DCP1A: variants seen among roughly 807,000 people sequenced by gnomAD.
DCP1A encodes mRNA-decapping enzyme 1A.
A neutral mutation model predicts 58.0 loss-of-function variants in DCP1A; 20 were observed. The ratio of observed to expected loss-of-function variants is 0.34; its 90% confidence interval spans 0.24 to 0.50. The LOEUF (loss-of-function observed/expected upper bound fraction) is 0.50. Among genes scored for constraint, DCP1A ranks in the 20% least tolerant of loss-of-function variants. The pLI is 0.98. For missense variants in DCP1A, 613 were observed against 712.2 expected (o/e 0.86, Z 1.59); for synonymous variants, 285 against 275.1 (o/e 1.04, Z -0.36).
At chr3:53,335,926 G>A (rs575313046) in intron 3 of DCP1A, among the ~76,000 whole-genome samples, 141 of 146,848 alleles carry the variant, frequency 9.6e-4, no homozygotes, top group Non-Finnish European at 1.7e-3. Context: ...GCGGGCTCAG[G>A]TGATTCTCTC....
rs189655368 is a variant in DCP1A at position 53,287,193 on chromosome 3, G to C, written c.*387C>G. ...TGGGGTAGGCTGGGGGAAGCGGTGG[G>C]GGCCGGGCTGAACTTCTGCTGTGAG... is the stretch of plus-strand genomic sequence containing the variant. On this transcript the variant is annotated 3_prime_UTR_variant, in exon 10 of 10. Transcript: ENST00000610213. 343 of 170,442 alleles carry C rather than the reference G, an allele frequency of 2.0e-3. 1 individual carries two copies. The highest frequency in any genetic ancestry group is 7.7e-3 in the African/African-American group (324 of 41,898). The allele number at this position is 170,442 out of a possible 1,614,324, so 10.6% of individuals were successfully genotyped here. A position where few individuals can be genotyped will look rare whatever the true frequency, so the allele number is the denominator to read the frequency against.
Position 53,290,825 on chromosome 3 carries a change from A to G in DCP1A, c.1415T>C (p.Phe472Ser), listed in dbSNP as rs371725164. ...ACTGGATAACACCTTAGGCTGCACAAATACTTCAGGATCCTGGTTCTGCTG... is the reference window on the plus strand; with the variant it reads ...ACTGGATAACACCTTAGGCTGCACAGATACTTCAGGATCCTGGTTCTGCTG... ...SMQQNQDPEV[F>S]VQPKVLSSAI... Residue 472 changes from phenylalanine (F) to serine (S), a missense_variant, in exon 8 of 10, where the codon TTT becomes TCT. Transcript: ENST00000610213. 6.2e-7 allele frequency: 1 copy of G among 1,611,924 alleles called. No homozygotes were observed. Among genetic ancestry groups the G allele is most frequent in the African/African-American group, 1.3e-5 (1 of 74,636 alleles).
intron 7 of DCP1A, among the ~76,000 whole-genome samples, chr3:53,291,472 C>G (rs940145890): frequency 2.0e-5 from 3 of 151,972 alleles, no homozygotes; most frequent in East Asian, 1.9e-4. Context: ...CACCTCCCCC[C>G]ACCTTCCCAC....
At position 53,283,868 on chromosome 3, in the gene DCP1A, G is replaced by A. The variant is rs1017018723; in HGVS notation, c.*3712C>T. ...TGAAGGTGTCAAATACAAAACGGAGGGAATCACTGCACACATCTGTTGAAT... is the reference window on the plus strand; with the variant it reads ...TGAAGGTGTCAAATACAAAACGGAGAGAATCACTGCACACATCTGTTGAAT... On this transcript the variant is annotated 3_prime_UTR_variant, in exon 10 of 10. Transcript: ENST00000610213. The A allele has an allele frequency of 6.6e-6, 1 of 152,238 alleles. No individual in the cohort carries two copies. Among genetic ancestry groups the A allele is most frequent in the Middle Eastern group, 3.4e-3 (1 of 294 alleles). The allele number at this position is 152,238 out of a possible 1,614,324, so 9.4% of individuals were successfully genotyped here.
intron 6 of DCP1A, among the ~76,000 whole-genome samples, chr3:53,298,809 G>A (rs1398539030): frequency 6.6e-6 from 1 of 152,168 alleles, no homozygotes; most frequent in African/African-American, 2.4e-5. Flanking sequence ...ACCATGTTTT[G>A]GTCAATGATG....
At chr3:53,291,878 T>C (rs919967660) in intron 7 of DCP1A, among the ~76,000 whole-genome samples, 191 bp downstream of exon 7, 7 of 152,114 alleles carry the variant, frequency 4.6e-5, no homozygotes, top group Non-Finnish European at 8.8e-5. Flanking sequence ...AATATCCCGA[T>C]AGGAAAATAT....
At chr3:53,342,843 T>C (rs1031612654) in intron 2 of DCP1A, among the ~76,000 whole-genome samples, 2 of 152,226 alleles carry the variant, frequency 1.3e-5, no homozygotes, top group Admixed American at 1.3e-4. Context: ...AATGGAGCTT[T>C]TGTCTTACTT....
chr3:53,342,172 T>C lies in DCP1A; in HGVS notation c.276A>G (p.Glu92=), dbSNP rs375976922. Residue 92 remains glutamate (E), a synonymous_variant, in exon 3 of 10, where the codon GAA becomes GAG. Transcript: ENST00000610213. ...TTGCATTTCTATACAGAAGAAATGG[T>C]TCATGGAGCTGAAATTCCAAATCTT... The part of the protein sequence containing the change: ...VNKDLEFQLH[E]PFLLYRNASL... 288 of 1,603,824 alleles carry C rather than the reference T, an allele frequency of 1.8e-4. 3 individuals carry two copies. In the South Asian group the frequency reaches 2.1e-3, roughly 12 times the overall value.
At chr3:53,314,676 T>TC (rs1211870532) in intron 4 of DCP1A, among the ~76,000 whole-genome samples, 11 of 142,770 alleles carry the variant, frequency 7.7e-5, no homozygotes, top group Non-Finnish European at 1.5e-4. Flanking sequence ...TCTTTTTTTT[T>TC]TTTTTTTTTT....
In DCP1A at chr3:53,312,195, G is replaced by A. The variant is rs544850471; in HGVS notation, c.510+46C>T. 1.1e-5 allele frequency: 16 copies of A among 1,516,568 alleles called. 1 individual carries two copies. The highest frequency in any genetic ancestry group is 7.0e-5 in the East Asian group (3 of 42,878). The allele number at this position is 1,516,568 out of a possible 1,614,324, so 93.9% of individuals were successfully genotyped here. ...AGTCTCCTGCAGACCTCCTCCTCCC[G>A]TTTTGGTCTTCCCTGGTCAGCACCC... On this transcript the variant is annotated intron_variant, in intron 5 of 9. Coordinates refer to ENST00000610213, the MANE Select transcript of DCP1A (RefSeq NM_018403.7).
At chr3:53,302,231 G>A (rs1325729810) in intron 6 of DCP1A, among the ~76,000 whole-genome samples, 1 of 152,130 alleles carries the variant, frequency 6.6e-6, no homozygotes, top group Non-Finnish European at 1.5e-5. Context: ...TGGGTAATGG[G>A]TACATAGGAT....
intron 3 of DCP1A, chr3:53,329,531 C>T: frequency 2.5e-6 from 1 of 393,366 alleles, no homozygotes; most frequent in East Asian, 3.6e-5. Context: ...GTTAAGCAAG[C>T]TAAAGAGCAA....
chr3:53,288,342 A>G, intron 8 of DCP1A, 59 bp from the exon 9 acceptor site: 1 of 1,360,908 alleles, frequency 7.3e-7, no homozygotes, highest in Non-Finnish European at 1.0e-6. Context: ...CCAGGCCCAG[A>G]ATAGGGACCA....
chr3:53,330,638 C>T (rs1444300461), intron 3 of DCP1A, among the ~76,000 whole-genome samples: 1 of 151,744 alleles, frequency 6.6e-6, no homozygotes, highest in East Asian at 1.9e-4. Flanking sequence ...ATAATAGAAC[C>T]TAAGGACTAA....
intron 3 of DCP1A, among the ~76,000 whole-genome samples, chr3:53,320,121 C>T (rs1559696817): frequency 6.7e-6 from 1 of 150,054 alleles, no homozygotes; most frequent in Non-Finnish European, 1.5e-5. Flanking sequence ...GAGTGAGACT[C>T]CATCTAAAAA....
At chr3:53,342,296 A>T (rs1256642587) in intron 2 of DCP1A, 25 bp from the exon 3 acceptor site, 10 of 1,526,596 alleles carry the variant, frequency 6.6e-6, no homozygotes, top group Non-Finnish European at 8.9e-6. Flanking sequence ...AAGAAAAAAA[A>T]ATATGTAGTT....
rs782533345 is a variant in DCP1A at position 53,292,201 on chromosome 3, C to A, written c.1251G>T (p.Met417Ile). 1.5e-5 allele frequency: 24 copies of A among 1,613,884 alleles called. No homozygotes were observed. The East Asian group carries it at 4.9e-4, about 33-fold the overall frequency. ...CAGCTGCCGGAGAAAAGCTGGCTAC[C>A]ATTGCACCTTTCCCAAGTGGTTGTG... ...IQTQPLGKGAMVASFSPAAGQ... is the reference protein window; with the variant it reads ...IQTQPLGKGAIVASFSPAAGQ... Residue 417 changes from methionine to isoleucine, a missense_variant, in exon 7 of 10, where the codon ATG becomes ATT. By Grantham distance (10) the Met-to-Ile change is conservative. This residue lies in a region of DCP1A where 498 missense variants were observed against 556.7 expected (regional missense o/e 0.89). Coordinates refer to ENST00000610213, the MANE Select transcript of DCP1A (RefSeq NM_018403.7).
intron 7 of DCP1A, 21 bp downstream of exon 7, chr3:53,292,048 C>T: frequency 6.3e-7 from 1 of 1,585,134 alleles, no homozygotes; most frequent in Non-Finnish European, 8.6e-7. Context: ...ACTCTGCCCA[C>T]CCCCACCCTC....
In DCP1A at chr3:53,312,301, G is replaced by C; in HGVS notation, c.450C>G (p.Ser150Arg). The change falls in exon 5 of 10, where the codon AGC becomes AGG. Residue 150 changes from serine to arginine, a missense_variant. By Grantham distance (110) the Ser-to-Arg change is moderately radical. Around this residue, in one of 3 missense-constraint regions of DCP1A, gnomAD observed 498 missense variants for 556.7 expected, o/e 0.89. Transcript: ENST00000610213. ...CCAGGATGTCGATGGGCCTGTGGTCGCTGCAGCCATTGGCCTGGCTGGGAC... is the reference window on the plus strand; with the variant it reads ...CCAGGATGTCGATGGGCCTGTGGTCCCTGCAGCCATTGGCCTGGCTGGGAC... ...KQSPSQANGC[S>R]DHRPIDILEM... 1 of 1,613,368 alleles carries C rather than the reference G, an allele frequency of 6.2e-7. No homozygotes were observed. Among genetic ancestry groups the C allele is most frequent in the Non-Finnish European group, 8.5e-7 (1 of 1,179,668 alleles).
Sources: gnomAD v4.1 joint callset for allele counts (sites outside exome capture counted in the v4.1 genomes callset) on GRCh38, gnomAD v4.1.1 for gene constraint, gnomAD v4.1.1 regional missense constraint, MANE v1.5 for transcripts, NCBI Gene and HGNC (gene_info 2026-07-23, HGNC 2026-07-21) for gene names.